PALM2AKAP2: variants seen among roughly 807,000 people sequenced by gnomAD.
PALM2AKAP2 encodes the protein PALM2-AKAP2 fusion protein.
PALM2AKAP2 carries 37 observed loss-of-function variants against 71.5 expected under a neutral mutation model. The ratio of observed to expected loss-of-function variants is 0.52; its 90% CI spans 0.40 to 0.68. The LOEUF (loss-of-function observed/expected upper bound fraction) is 0.68, where lower values mean the gene tolerates loss of function less well. PALM2AKAP2 is among the 30% of genes least tolerant of loss of function. The pLI is 0.00. For synonymous variants in PALM2AKAP2, 468 were observed against 478.8 expected, an observed-to-expected ratio of 0.98 and a Z score of 0.29; for missense variants, 1,224 against 1,191.8, an observed-to-expected ratio of 1.03 and a Z score of -0.40.
chr9:109,915,436 A>G (rs1830664764), intron 3 of PALM2AKAP2, among the ~76,000 whole-genome samples: 2 of 152,204 alleles, frequency 1.3e-5, no homozygotes, highest in Non-Finnish European at 2.9e-5. Flanking sequence ...TGCATTCTTT[A>G]GGGAATGAAG....
At chr9:109,644,001 G>A (rs572179221) in intron 1 of PALM2AKAP2, among the ~76,000 whole-genome samples, 14 of 68,338 alleles carry the variant, frequency 2.0e-4, no homozygotes, top group Admixed American at 1.5e-3. Flanking sequence ...AAGGGGTGGC[G>A]GGGGTGTCAC....
chr9:109,644,039 AACTC>A (rs1379223475), intron 1 of PALM2AKAP2, among the ~76,000 whole-genome samples: 14 of 152,118 alleles, frequency 9.2e-5, no homozygotes, highest in African/African-American at 3.4e-4. Flanking sequence ...ATCTCAGGGG[AACTC>A]ACTCACTATT....
chr9:110,032,616 A>G (rs1353519970), intron 7 of PALM2AKAP2, among the ~76,000 whole-genome samples: 2 of 151,872 alleles, frequency 1.3e-5, no homozygotes, highest in African/African-American at 4.8e-5. Context: ...GCTTGACCCC[A>G]GGAGGAGGCG....
At chr9:110,076,906 T>C (rs1314529140) in intron 1 of PALM2AKAP2, among the ~76,000 whole-genome samples, 1 of 152,202 alleles carries the variant, frequency 6.6e-6, no homozygotes, top group East Asian at 1.9e-4. Flanking sequence ...AGAGCTTTAA[T>C]GTTTATTTCG....
intron 6 of PALM2AKAP2, among the ~76,000 whole-genome samples, chr9:109,969,269 A>G (rs1832018498): frequency 6.6e-6 from 1 of 152,246 alleles, no homozygotes; most frequent in South Asian, 2.1e-4. Flanking sequence ...TAGGACAGAC[A>G]GCCTGTGGCT....
chr9:109,851,082 C>T (rs1435691765), intron 1 of PALM2AKAP2, among the ~76,000 whole-genome samples: 2 of 151,934 alleles, frequency 1.3e-5, no homozygotes, highest in Admixed American at 6.6e-5. Context: ...GAGGATGAGG[C>T]AGGAGAATGG....
intron 1 of PALM2AKAP2, among the ~76,000 whole-genome samples, chr9:110,100,029 A>G (rs1834953996): frequency 1.5e-5 from 2 of 134,238 alleles, no homozygotes; most frequent in South Asian, 4.8e-4. Flanking sequence ...TGTCTTAAAC[A>G]TATATGCATA....
In PALM2AKAP2 at chr9:109,967,950, A is replaced by G. The variant is rs756816732; in HGVS notation, c.496+35922A>G. 2.6e-4 allele frequency among the ~76,000 whole-genome samples: 40 copies of G among 152,234 alleles called. 2 individuals are homozygous for G. Among genetic ancestry groups the G allele is most frequent in the Admixed American group, 5.9e-4 (9 of 15,288 alleles). On this transcript the variant is annotated intron_variant, in intron 6 of 9. Coordinates refer to the PALM2AKAP2 transcript ENST00000302798. ...TCTGAGTATCTATCTCTCACACCAG[A>G]TCATAAGCTTCTTGAAAGCAAGGAC... is the stretch of plus-strand genomic sequence containing the variant.
chr9:109,951,782 G>A (rs975152662), intron 6 of PALM2AKAP2, among the ~76,000 whole-genome samples: 1 of 152,138 alleles, frequency 6.6e-6, no homozygotes, highest in Non-Finnish European at 1.5e-5. Context: ...CCCCTTGGTG[G>A]GAATCCTCAT....
chr9:109,760,075 C>T (rs2118732397), intron 1 of PALM2AKAP2, among the ~76,000 whole-genome samples: 1 of 152,306 alleles, frequency 6.6e-6, no homozygotes, highest in East Asian at 1.9e-4. Flanking sequence ...CCCTCAGCCC[C>T]TATTGATCAC....
intron 6 of PALM2AKAP2, among the ~76,000 whole-genome samples, chr9:109,985,100 A>G (rs1832348110): frequency 6.6e-6 from 1 of 151,260 alleles, no homozygotes; most frequent in African/African-American, 2.4e-5. Context: ...CACTTGAATC[A>G]AGGAGGCAGA....
intron 2 of PALM2AKAP2, among the ~76,000 whole-genome samples, chr9:110,143,823 T>C (rs1836095492): frequency 1.3e-5 from 2 of 152,234 alleles, no homozygotes; most frequent in African/African-American, 4.8e-5. Flanking sequence ...AGGTGTAGTT[T>C]GCTATTAAGT....
intron 1 of PALM2AKAP2, among the ~76,000 whole-genome samples, chr9:110,135,162 A>ATATATATATATATATATATAT (rs1374083351): frequency 2.1e-5 from 1 of 48,504 alleles, no homozygotes; most frequent in African/African-American, 8.3e-5. Flanking sequence ...CAAAAAAAAA[A>ATATATATATATATATATATAT]AAATATATAA....
At chr9:109,968,918 C>T (rs1352316996) in intron 6 of PALM2AKAP2, among the ~76,000 whole-genome samples, 1 of 152,158 alleles carries the variant, frequency 6.6e-6, no homozygotes, top group African/African-American at 2.4e-5. Flanking sequence ...AGACCCAGTT[C>T]CTCTCCGGGC....
chr9:109,912,613 C>G (rs941409520), intron 3 of PALM2AKAP2, among the ~76,000 whole-genome samples: 27 of 152,100 alleles, frequency 1.8e-4, no homozygotes, highest in African/African-American at 6.0e-4. Context: ...TGCATGAAAA[C>G]AATATTCTTC....
intron 1 of PALM2AKAP2, among the ~76,000 whole-genome samples, chr9:110,055,239 A>G (rs927241084): frequency 6.6e-6 from 1 of 151,578 alleles, no homozygotes; most frequent in African/African-American, 2.4e-5. Flanking sequence ...CTTGTTGCCC[A>G]GGCTGGAGTG....
intron 7 of PALM2AKAP2, among the ~76,000 whole-genome samples, chr9:110,016,249 A>T (rs958229698): frequency 2.0e-5 from 3 of 152,120 alleles, no homozygotes; most frequent in Non-Finnish European, 2.9e-5. Context: ...AATATGCCCG[A>T]CCTCGTCTGA....
intron 1 of PALM2AKAP2, among the ~76,000 whole-genome samples, chr9:109,692,138 A>G (rs556639965): frequency 4.2e-4 from 64 of 151,306 alleles, no homozygotes; most frequent in African/African-American, 1.3e-3. Flanking sequence ...CCTGTAAAGT[A>G]TGTAAGTCAA....
At position 109,804,561 on chromosome 9, in the gene PALM2AKAP2, T is replaced by A. The variant is rs116507923; in HGVS notation, c.45+24028T>A. On this transcript the variant is annotated intron_variant, in intron 1 of 9. Transcript: ENST00000302798. ...ATCAAGCAGTTTTCATTTGGCTTTT[T>A]GGTAGTTGAAGTTAATTTGTCAATT... Among the ~76,000 whole-genome samples the A allele has an allele frequency of 4.5e-3, 681 of 152,314 alleles. 4 individuals carry two copies. Among genetic ancestry groups the A allele is most frequent in the African/African-American group, 0.015 (644 of 41,562 alleles).
Sources: allele counts gnomAD v4.1 joint callset (sites outside exome capture counted in the v4.1 genomes callset), GRCh38; gene constraint gnomAD v4.1.1; transcripts MANE v1.5; gene names NCBI Gene and HGNC (gene_info 2026-07-23, HGNC 2026-07-21).